The following XPO5 variants were observed in gnomAD, a reference collection of about 807,000 sequenced individuals.
XPO5 encodes exportin 5.
Under a neutral mutation model 160.6 loss-of-function variants are expected in XPO5, and 46 were observed. The observed-to-expected ratio is 0.29, with a 90% confidence interval of 0.23 to 0.37. The LOEUF (loss-of-function observed/expected upper bound fraction) is 0.37. Ranked by LOEUF, XPO5 falls within the 10% of genes least tolerant of loss-of-function variation. The pLI is 1.00. For missense variants in XPO5, 1,090 were observed against 1,463.9 expected, an observed-to-expected ratio of 0.74 and a Z score of 4.17; for synonymous variants, 537 against 519.3, an observed-to-expected ratio of 1.03 and a Z score of -0.46.
chr6:43,550,598 G>A (rs530047273), intron 15 of XPO5, among the ~76,000 whole-genome samples: 1 of 152,102 alleles, frequency 6.6e-6, no homozygotes, highest in African/African-American at 2.4e-5. Context: ...ACTTTTAGTC[G>A]TGGGACTACT....
intron 20 of XPO5, among the ~76,000 whole-genome samples, chr6:43,536,016 C>T (rs556379587): frequency 2.8e-5 from 4 of 144,856 alleles, no homozygotes; most frequent in East Asian, 2.1e-4. Context: ...CCAGCTTCTC[C>T]GGAGGCTGAG....
chr6:43,533,948 T>G lies in XPO5; in HGVS notation c.2402A>C (p.Lys801Thr). The change falls in exon 21 of 32, where the codon AAG (lysine) becomes ACG (threonine). Residue 801 changes from lysine (K) to threonine (T), a missense_variant. By Grantham distance (78) the Lys-to-Thr change is moderately conservative (BLOSUM62 -1). This residue lies in a region of XPO5 where 810 missense variants were observed against 1,139.0 expected (regional missense o/e 0.71). Coordinates refer to ENST00000265351, the MANE Select transcript of XPO5 (RefSeq NM_020750.3). ...MLAKMAEPFTKALDMLDAEKS... is the reference protein window; with the variant it reads ...MLAKMAEPFTTALDMLDAEKS... ...TTCCGCGTCAAGCATATCCAGAGCCTTGGTGAAAGGCTCTGCCATTTTGGC... is the reference window on the plus strand; with the variant it reads ...TTCCGCGTCAAGCATATCCAGAGCCGTGGTGAAAGGCTCTGCCATTTTGGC... The G allele has an allele frequency of 6.2e-7, 1 of 1,607,498 alleles. No individual in the cohort carries two copies. Among genetic ancestry groups the G allele is most frequent in the South Asian group, 1.1e-5 (1 of 90,602 alleles).
intron 24 of XPO5, among the ~76,000 whole-genome samples, chr6:43,528,566 C>T (rs774520308): frequency 8.5e-5 from 13 of 152,126 alleles, no homozygotes; most frequent in Non-Finnish European, 1.8e-4. Flanking sequence ...AGCAAGCATT[C>T]CTCTTTTTAC....
chr6:43,568,613 C>A (rs1762826875), intron 6 of XPO5, 98 bp downstream of exon 6: 14 of 1,127,964 alleles, frequency 1.2e-5, no homozygotes, highest in Admixed American at 5.3e-5. Flanking sequence ...CAAAACAATA[C>A]AACACAAGCA....
rs751545590 is a variant in XPO5 at position 43,549,874 on chromosome 6, GT to G, written c.1770+18del. Reference sequence around the variant, plus strand: ...GTACTCAAGAAGTTAGAATCTATTGGTTTAATTAATGGTCTTACCTTACTTT... The same window carrying G: ...GTACTCAAGAAGTTAGAATCTATTGGTTAATTAATGGTCTTACCTTACTTT... On this transcript the variant is annotated intron_variant, in intron 16 of 31. Transcript: ENST00000265351. 6.2e-7 allele frequency: 1 copy of G among 1,602,648 alleles called. No individual in the cohort carries two copies. Among genetic ancestry groups the G allele is most frequent in the South Asian group, 1.1e-5 (1 of 89,422 alleles).
intron 13 of XPO5, chr6:43,553,807 G>A (rs144721506): frequency 1.1e-3 from 257 of 230,984 alleles, no homozygotes; most frequent in African/African-American, 5.4e-3. Context: ...GAATACGCAG[G>A]TGAACATCAA....
chr6:43,546,033 G>C (rs1794948508), intron 20 of XPO5, among the ~76,000 whole-genome samples: 1 of 152,146 alleles, frequency 6.6e-6, no homozygotes, highest in African/African-American at 2.4e-5. Context: ...TGATGCTAAT[G>C]CTACTGGTCT....
chr6:43,552,447 G>A (rs1425432384), intron 14 of XPO5, among the ~76,000 whole-genome samples: 1 of 152,046 alleles, frequency 6.6e-6, no homozygotes, highest in African/African-American at 2.4e-5. Flanking sequence ...CTGCCTCCTG[G>A]GTTCAAGCGA....
chr6:43,523,422 G>A lies in XPO5; in HGVS notation c.*446C>T, dbSNP rs76092545. The A allele has an allele frequency of 0.019, 5,716 of 299,272 alleles. 294 individuals carry two copies. The highest frequency in any genetic ancestry group is 0.11 in the African/African-American group (5,122 of 45,970). 18.5% of individuals were successfully genotyped at this position (299,272 alleles called of 1,614,324 possible). On this transcript the variant is annotated 3_prime_UTR_variant, in exon 32 of 32. Transcript: ENST00000265351. The stretch of plus-strand genomic sequence containing the variant: ...AGCCCAGCAGCAAAAGGGCTCAGTG[G>A]GAGTTGGAGTGGTCCAAGAGAAACT...
chr6:43,527,817 A>G, intron 25 of XPO5, 86 bp from the exon 26 acceptor site: 1 of 1,426,204 alleles, frequency 7.0e-7, no homozygotes, highest in East Asian at 2.3e-5. Context: ...ACTCTCTCTG[A>G]CCACTTTCTT....
chr6:43,536,758 TAAAAAAAAAAA>T (rs1156884252), intron 20 of XPO5, among the ~76,000 whole-genome samples: 40 of 19,100 alleles, frequency 2.1e-3, no homozygotes, highest in African/African-American at 8.3e-3. Context: ...AGACTCTATC[TAAAAAAAAAAA>T]AAAAAAAAAA....
At chr6:43,564,541 A>C (rs1206204538) in intron 8 of XPO5, among the ~76,000 whole-genome samples, 1 of 152,170 alleles carries the variant, frequency 6.6e-6, no homozygotes, top group Non-Finnish European at 1.5e-5. Context: ...AAAAAAAAAA[A>C]ACTTCCTTTC....
intron 13 of XPO5, among the ~76,000 whole-genome samples, chr6:43,553,846 T>C (rs2127736133): frequency 6.6e-6 from 1 of 152,340 alleles, no homozygotes; most frequent in East Asian, 1.9e-4. Context: ...TAGTAGGCAC[T>C]TGATAAACAT....
At chr6:43,536,758 T>TTAA (rs1363285984) in intron 20 of XPO5, among the ~76,000 whole-genome samples, 1 of 19,082 alleles carries the variant, frequency 5.2e-5, no homozygotes, top group African/African-American at 2.4e-4. Flanking sequence ...AGACTCTATC[T>TTAA]AAAAAAAAAA....
At chr6:43,570,793 A>G (rs1245913272) in intron 4 of XPO5, 64 bp downstream of exon 4, 5 of 1,545,170 alleles carry the variant, frequency 3.2e-6, no homozygotes, top group East Asian at 2.3e-5. Context: ...ACAAAATCAA[A>G]CAACAAACCC....
At chr6:43,548,216 G>C (rs1310652895) in intron 18 of XPO5, 45 bp downstream of exon 18, 1 of 1,503,734 alleles carries the variant, frequency 6.7e-7, no homozygotes, top group Non-Finnish European at 8.9e-7. Context: ...AAACCAAAAT[G>C]GGTGCTTGAG....
At chr6:43,548,901 A>G (rs1372424796) in intron 17 of XPO5, among the ~76,000 whole-genome samples, 2 of 152,130 alleles carry the variant, frequency 1.3e-5, no homozygotes, top group African/African-American at 4.8e-5. Context: ...ATCATTTGGC[A>G]GTAGTAATTA....
At chr6:43,572,225 C>A (rs182692356) in intron 3 of XPO5, among the ~76,000 whole-genome samples, 3 of 152,300 alleles carry the variant, frequency 2.0e-5, no homozygotes, top group East Asian at 1.9e-4. Flanking sequence ...CACAGGCATG[C>A]GCCACCACGC....
At chr6:43,571,046 T>G in intron 3 of XPO5, 52 bp from the exon 4 acceptor site, 1 of 1,560,786 alleles carries the variant, frequency 6.4e-7, no homozygotes, top group South Asian at 1.2e-5. Flanking sequence ...ATTCCAGACT[T>G]CCAGAAAAAA....
Sources: allele counts gnomAD v4.1 joint callset (sites outside exome capture counted in the v4.1 genomes callset), GRCh38; gene constraint gnomAD v4.1.1; regional missense constraint gnomAD v4.1.1; transcripts MANE v1.5; gene names NCBI Gene and HGNC (gene_info 2026-07-23, HGNC 2026-07-21).